The following IGF2BP3 variants were observed in gnomAD, a reference collection of about 807,000 sequenced individuals.
IGF2BP3 encodes the protein insulin like growth factor 2 mRNA binding protein 3, also known as insulin-like growth factor 2 mRNA-binding protein 3.
A neutral mutation model predicts 73.8 loss-of-function variants in IGF2BP3; 9 were observed. The observed-to-expected ratio is 0.12, with a 90% CI of 0.07 to 0.21. The LOEUF is 0.21. IGF2BP3 is among the 10% of genes least tolerant of loss of function. The pLI, the probability that IGF2BP3 is intolerant of heterozygous loss-of-function variation, is 1.00. For missense variants in IGF2BP3, 542 were observed against 714.0 expected (o/e 0.76, Z 2.75); for synonymous variants, 258 against 256.7 (o/e 1.01, Z -0.05).
chr7:23,353,790 T>G (rs776877178), intron 5 of IGF2BP3, among the ~76,000 whole-genome samples: 23 of 152,242 alleles, frequency 1.5e-4, no homozygotes, highest in Non-Finnish European at 3.4e-4. Context: ...AATGCCTTGA[T>G]GACAGAACGT....
intron 12 of IGF2BP3, 24 bp downstream of exon 12, chr7:23,317,613 CAT>C: frequency 6.3e-7 from 1 of 1,575,572 alleles, no homozygotes; most frequent in African/African-American, 1.3e-5. Context: ...TACCTGTGGA[CAT>C]AGCACATACT....
At chr7:23,407,099 T>A (rs1217187017) in intron 3 of IGF2BP3, among the ~76,000 whole-genome samples, 1 of 149,986 alleles carries the variant, frequency 6.7e-6, no homozygotes, top group African/African-American at 2.5e-5. Context: ...AAAGTGGAGA[T>A]ATCACTAGAG....
chr7:23,363,291 T>C lies in IGF2BP3; in HGVS notation c.286-1550A>G, dbSNP rs549868864. 2.4e-3 allele frequency among the ~76,000 whole-genome samples: 366 copies of C among 152,034 alleles called. 3 individuals carry two copies. Among genetic ancestry groups the C allele is most frequent in the South Asian group, 0.01 (48 of 4,796 alleles). ...TGGGACAGGGTCTCACTGTCACCTA[T>C]GCTGGAGTGCAGTGGCACGACCATA... On this transcript the variant is annotated intron_variant, in intron 3 of 14. Coordinates refer to ENST00000258729, the MANE Select transcript of IGF2BP3 (RefSeq NM_006547.3).
chr7:23,463,403 G>A (rs973957064), intron 2 of IGF2BP3, among the ~76,000 whole-genome samples: 2 of 151,982 alleles, frequency 1.3e-5, no homozygotes, highest in African/African-American at 4.8e-5. Flanking sequence ...CATGAAAGAG[G>A]TACACAGGCA....
In IGF2BP3 at chr7:23,411,984, C is replaced by CTTTT. The variant is rs767524257; in HGVS notation, c.285+6788_285+6791dup. ...CTTCACTACTTTCCCACTTATTTCT[C>CTTTT]TTTTTTTTTTTTTTTTTTTTTTCAG... On this transcript the variant is annotated intron_variant, in intron 3 of 14. Transcript: ENST00000258729. Among the ~76,000 whole-genome samples the CTTTT allele has an allele frequency of 5.8e-4, 61 of 104,818 alleles. 1 individual carries two copies. Among genetic ancestry groups the CTTTT allele is most frequent in the African/African-American group, 1.5e-3 (35 of 23,384 alleles). The allele number at this position is 104,818 out of a possible 152,430, so 68.8% of individuals were successfully genotyped here.
chr7:23,441,001 G>A (rs1467713249), intron 2 of IGF2BP3, among the ~76,000 whole-genome samples: 2 of 152,050 alleles, frequency 1.3e-5, no homozygotes, highest in Non-Finnish European at 2.9e-5. Flanking sequence ...GACTTGGGAA[G>A]GCTTTACACA....
At chr7:23,312,639 C>G (rs1268077701) in intron 14 of IGF2BP3, 96 bp downstream of exon 14, 1 of 996,622 alleles carries the variant, frequency 1.0e-6, no homozygotes, top group Non-Finnish European at 1.5e-6. Flanking sequence ...TCTTAAGCAT[C>G]AAACAACCTT....
At chr7:23,403,378 A>T (rs1386380520) in intron 3 of IGF2BP3, among the ~76,000 whole-genome samples, 2 of 152,198 alleles carry the variant, frequency 1.3e-5, no homozygotes, top group Admixed American at 6.5e-5. Flanking sequence ...ATTTTTTTGT[A>T]TAAATAATTT....
intron 3 of IGF2BP3, among the ~76,000 whole-genome samples, chr7:23,366,572 A>AAAC (rs1379117354): frequency 2.0e-5 from 3 of 151,188 alleles, no homozygotes; most frequent in African/African-American, 7.3e-5. Context: ...AAAAAAAAAA[A>AAAC]CCACAAGCAA....
At position 23,406,080 on chromosome 7, in the gene IGF2BP3, AAAG is replaced by A. The variant is rs549126700; in HGVS notation, c.285+12693_285+12695del. ...AAATTTTCTGATTAAAAAAAAAAAAAAAGAAAGAAAAATTGTCTTCTACGAAAC... is the reference window on the plus strand; with the variant it reads ...AAATTTTCTGATTAAAAAAAAAAAAAAAAGAAAAATTGTCTTCTACGAAAC... On this transcript the variant is annotated intron_variant, in intron 3 of 14. Coordinates refer to ENST00000258729, the MANE Select transcript of IGF2BP3 (RefSeq NM_006547.3). Among the ~76,000 whole-genome samples the A allele has an allele frequency of 1.7e-3, 253 of 152,170 alleles. 2 individuals carry two copies. Among genetic ancestry groups the A allele is most frequent in the African/African-American group, 5.9e-3 (243 of 41,518 alleles).
intron 3 of IGF2BP3, among the ~76,000 whole-genome samples, chr7:23,376,609 T>C (rs1236598249): frequency 1.0e-4 from 15 of 150,386 alleles, no homozygotes; most frequent in Non-Finnish European, 2.2e-4. Flanking sequence ...CTCACACCTA[T>C]AATCCCAACA....
chr7:23,419,154 C>A (rs114746405), intron 2 of IGF2BP3, among the ~76,000 whole-genome samples: 199 of 152,302 alleles, frequency 1.3e-3, no homozygotes, highest in African/African-American at 4.4e-3. Context: ...TCCCAGGACA[C>A]AAACAAGGCC....
rs866578853 is a variant in IGF2BP3, at chr7:23,469,790, C to T, written c.175+146G>A. 7.6e-4 allele frequency: 287 copies of T among 376,642 alleles called. 1 individual carries two copies. The Middle Eastern group carries it at 0.011, about 14-fold the overall frequency. 23.3% of individuals were successfully genotyped at this position (376,642 alleles called of 1,614,324 possible). ...GAGCCGGAGCTGAGGAGAGCCCCGG[C>T]CCCCACGCGCGTGGGTGTGGGCGCT... On this transcript the variant is annotated intron_variant, in intron 1 of 14. Coordinates refer to ENST00000258729, the MANE Select transcript of IGF2BP3 (RefSeq NM_006547.3). The surrounding 1 kb of genome is among the most constrained non-coding windows in gnomAD (Gnocchi z 6.1).
In IGF2BP3 at chr7:23,408,763, C is replaced by T. The variant is rs534195993; in HGVS notation, c.285+10013G>A. On this transcript the variant is annotated intron_variant, in intron 3 of 14. Transcript: ENST00000258729. Reference sequence around the variant, plus strand: ...AGAGATATTTATTCACCTACATTCACGGTGGCATTGATCACAATAGCCAAA... The same window carrying T: ...AGAGATATTTATTCACCTACATTCATGGTGGCATTGATCACAATAGCCAAA... 2.0e-4 allele frequency among the ~76,000 whole-genome samples: 31 copies of T among 152,198 alleles called. No individual in the cohort carries two copies. The South Asian group carries it at 5.0e-3, about 24-fold the overall frequency.
intron 3 of IGF2BP3, among the ~76,000 whole-genome samples, chr7:23,405,967 T>C (rs1786815825): frequency 6.6e-6 from 1 of 151,884 alleles, no homozygotes; most frequent in African/African-American, 2.4e-5. Flanking sequence ...GAAATATTAA[T>C]GCTGGGTGAT....
chr7:23,417,240 G>C (rs1283024808), intron 3 of IGF2BP3, among the ~76,000 whole-genome samples: 1 of 152,058 alleles, frequency 6.6e-6, no homozygotes, highest in Non-Finnish European at 1.5e-5. Flanking sequence ...TTTTTAAAGG[G>C]AGTCAAAGGT....
intron 2 of IGF2BP3, among the ~76,000 whole-genome samples, 169 bp downstream of exon 2, chr7:23,468,310 GCAT>G (rs1277937467): frequency 2.0e-5 from 3 of 152,148 alleles, no homozygotes; most frequent in Admixed American, 1.3e-4. Context: ...TTCCTGCCCA[GCAT>G]CATCAACACA....
chr7:23,343,915 T>G (rs549027780), intron 8 of IGF2BP3, 62 bp from the exon 9 acceptor site: 2 of 1,553,994 alleles, frequency 1.3e-6, no homozygotes, highest in African/African-American at 1.4e-5. Context: ...AGCTAATAAT[T>G]CAGCCACAGA....
At chr7:23,410,718 T>C (rs1204424695) in intron 3 of IGF2BP3, among the ~76,000 whole-genome samples, 1 of 152,226 alleles carries the variant, frequency 6.6e-6, no homozygotes, top group Non-Finnish European at 1.5e-5. Flanking sequence ...CGTCCAGACC[T>C]GGGGAGGATC....
Sources: gnomAD v4.1 joint callset for allele counts (sites outside exome capture counted in the v4.1 genomes callset) on GRCh38, gnomAD v4.1.1 for gene constraint, Gnocchi (gnomAD v3.1) non-coding constraint, MANE v1.5 for transcripts, NCBI Gene and HGNC (gene_info 2026-07-23, HGNC 2026-07-21) for gene names.